Variants in RAB31 observed in about 807,000 individuals in gnomAD.
RAB31 encodes the protein RAB31, member RAS oncogene family, also known as ras-related protein Rab-31.
Under a neutral mutation model 25.6 loss-of-function variants are expected in RAB31, and 21 were observed. That is an observed-to-expected ratio of 0.82 (90% CI 0.58 to 1.18). The LOEUF (loss-of-function observed/expected upper bound fraction) is 1.18. Ranked by LOEUF, RAB31 falls within the 50% of genes most tolerant of loss-of-function variation. RAB31 has a pLI of 0.00. For missense variants in RAB31, 196 were observed against 250.1 expected, an observed-to-expected ratio of 0.78 and a Z score of 1.46; for synonymous variants, 87 against 84.0, an observed-to-expected ratio of 1.04 and a Z score of -0.20.
Position 9,814,065 on chromosome 18 carries a change from G to A in RAB31, c.247G>A (p.Val83Ile), listed in dbSNP as rs763661724. Residue 83 changes from valine to isoleucine, a missense_variant, in exon 4 of 7, where the codon GTT (valine) becomes ATT (isoleucine). Transcript: ENST00000578921. ...GTACTATCGAGGCTCAGCTGCAGCTGTTATCGTGTATGATATTACCAAGCA... is the reference window on the plus strand; with the variant it reads ...GTACTATCGAGGCTCAGCTGCAGCTATTATCGTGTATGATATTACCAAGCA... ...PMYYRGSAAA[V>I]IVYDITKQDS... 2.0e-5 allele frequency: 32 copies of A among 1,592,622 alleles called. No homozygotes were observed. The highest frequency in any genetic ancestry group is 2.6e-5 in the Non-Finnish European group (30 of 1,166,122).
intron 6 of RAB31, among the ~76,000 whole-genome samples, chr18:9,852,837 A>G (rs2068795979): frequency 6.6e-6 from 1 of 152,210 alleles, no homozygotes; most frequent in East Asian, 1.9e-4. Flanking sequence ...TTACTACAGT[A>G]TGTTACCACC....
intron 1 of RAB31, among the ~76,000 whole-genome samples, chr18:9,731,539 T>G (rs952859582): frequency 6.6e-6 from 1 of 151,486 alleles, no homozygotes; most frequent in South Asian, 2.1e-4. Flanking sequence ...TCTGAGTGGA[T>G]CTCACAAGGT....
rs139227359 is a variant in RAB31, at chr18:9,763,729, C to T, written c.40-11549C>T. Among the ~76,000 whole-genome samples the T allele has an allele frequency of 5.5e-3, 838 of 151,958 alleles. 11 individuals carry two copies. Among genetic ancestry groups the T allele is most frequent in the African/African-American group, 0.019 (796 of 41,440 alleles). On this transcript the variant is annotated intron_variant, in intron 1 of 6. Coordinates refer to ENST00000578921, the MANE Select transcript of RAB31 (RefSeq NM_006868.4). The stretch of plus-strand genomic sequence containing the variant: ...TTGTTAGATCAGATAATAGCTGATA[C>T]TTTTCCATAGGAAGTGCTTAGCTTG...
chr18:9,845,865 C>T (rs538252088), intron 6 of RAB31, among the ~76,000 whole-genome samples, 174 bp downstream of exon 6: 5 of 152,266 alleles, frequency 3.3e-5, no homozygotes, highest in East Asian at 1.9e-4. Flanking sequence ...ATTATCCTCT[C>T]GATTCTAGAT....
rs568629872 is a variant in RAB31, at chr18:9,803,241, T to C, written c.202-10779T>C. On this transcript the variant is annotated intron_variant, in intron 3 of 6. Coordinates refer to ENST00000578921, the MANE Select transcript of RAB31 (RefSeq NM_006868.4). ...TTTCTTTTCTTCTCTTTTTCCTTTC[T>C]TTTTTTTTTTTTTAGGCAGGGTCTT... is the stretch of plus-strand genomic sequence containing the variant. Among the ~76,000 whole-genome samples the C allele has an allele frequency of 1.5e-4, 13 of 85,568 alleles. No individual in the cohort carries two copies. The East Asian group carries it at 2.2e-3, about 14-fold the overall frequency. The allele number at this position is 85,568 out of a possible 152,430, so 56.1% of individuals were successfully genotyped here.
chr18:9,811,177 T>G (rs1206655921), intron 3 of RAB31, among the ~76,000 whole-genome samples: 1 of 152,204 alleles, frequency 6.6e-6, no homozygotes, highest in Non-Finnish European at 1.5e-5. Flanking sequence ...TTCAGCATCT[T>G]CGGCCACCGC....
At chr18:9,835,443 G>T (rs1280938107) in intron 5 of RAB31, among the ~76,000 whole-genome samples, 2 of 152,198 alleles carry the variant, frequency 1.3e-5, no homozygotes, top group African/African-American at 4.8e-5. Context: ...CCTGTTTTCT[G>T]CCCAGTCCCT....
At chr18:9,721,892 T>C (rs111317322) in intron 1 of RAB31, among the ~76,000 whole-genome samples, 4,549 of 151,938 alleles carry the variant, frequency 0.03, 140 homozygotes, top group South Asian at 0.15. Flanking sequence ...GGGAGGAGTG[T>C]GGTTTCAGGT....
chr18:9,712,231 A>T lies in RAB31; in HGVS notation c.39+3787A>T, dbSNP rs369081027. Among the ~76,000 whole-genome samples the T allele has an allele frequency of 2.4e-4, 37 of 152,386 alleles. No homozygotes were observed. The South Asian group carries it at 6.8e-3, about 28-fold the overall frequency. On this transcript the variant is annotated intron_variant, in intron 1 of 6. Coordinates refer to ENST00000578921, the MANE Select transcript of RAB31 (RefSeq NM_006868.4). ...GTGTTCTTGGAAAACCAAGGACTGA[A>T]GAGCGTTGGGTTTGTTTAGGTTACC... is the stretch of plus-strand genomic sequence containing the variant.
intron 2 of RAB31, among the ~76,000 whole-genome samples, chr18:9,778,736 G>A (rs896766769): frequency 1.2e-4 from 19 of 152,212 alleles, no homozygotes; most frequent in Admixed American, 1.0e-3. Flanking sequence ...CTCCCAAAGT[G>A]CTGGGATTAT....
intron 3 of RAB31, among the ~76,000 whole-genome samples, chr18:9,801,025 A>G (rs1179174021): frequency 2.0e-5 from 3 of 152,196 alleles, no homozygotes; most frequent in Non-Finnish European, 4.4e-5. Context: ...GATTTGCCTA[A>G]TCTGGACATT....
intron 1 of RAB31, among the ~76,000 whole-genome samples, chr18:9,760,630 A>C (rs2068283385): frequency 6.6e-6 from 1 of 152,204 alleles, no homozygotes; most frequent in Non-Finnish European, 1.5e-5. Context: ...GGAGGTGTTC[A>C]TGCTTCCCTT....
Position 9,859,329 on chromosome 18 carries a change from A to T in RAB31, c.*4A>T, listed in dbSNP as rs1413326055. The T allele has an allele frequency of 1.9e-6, 3 of 1,607,244 alleles. No homozygotes were observed. In the African/African-American group the frequency reaches 4.0e-5, roughly 22 times the overall value. On this transcript the variant is annotated 3_prime_UTR_variant, in exon 7 of 7. Coordinates refer to ENST00000578921, the MANE Select transcript of RAB31 (RefSeq NM_006868.4). ...AGCCAGCCGCCGGTGCTGTTGACCC[A>T]AGGGCCGTGGTCCACGGTACTTGAA...
At chr18:9,792,894 T>C (rs529188476) in intron 3 of RAB31, among the ~76,000 whole-genome samples, 1 of 152,276 alleles carries the variant, frequency 6.6e-6, no homozygotes, top group East Asian at 1.9e-4. Flanking sequence ...GAAAAGTGGG[T>C]AAATGGATGC....
intron 3 of RAB31, among the ~76,000 whole-genome samples, chr18:9,810,278 G>A (rs2068563974): frequency 6.6e-6 from 1 of 152,204 alleles, no homozygotes; most frequent in Non-Finnish European, 1.5e-5. Context: ...TCTTGTGACT[G>A]TGAACTTTAT....
intron 1 of RAB31, among the ~76,000 whole-genome samples, chr18:9,764,697 C>T (rs1226493944): frequency 6.6e-6 from 1 of 152,092 alleles, no homozygotes; most frequent in East Asian, 1.9e-4. Context: ...TCTCTCCTGG[C>T]CATTTTTTTG....
intron 1 of RAB31, among the ~76,000 whole-genome samples, chr18:9,768,184 T>G (rs992596063): frequency 6.6e-6 from 1 of 152,234 alleles, no homozygotes; most frequent in South Asian, 2.1e-4. Context: ...TGTGTCTTTA[T>G]AGTAGAATGA....
At chr18:9,793,434 G>A (rs894312354) in intron 3 of RAB31, among the ~76,000 whole-genome samples, 2 of 152,084 alleles carry the variant, frequency 1.3e-5, no homozygotes, top group African/African-American at 4.8e-5. Context: ...AGGCCGAGGC[G>A]GGCGGATCAT....
rs757497057 is a variant in RAB31 at position 9,845,634 on chromosome 18, G to A, written c.433G>A (p.Val145Met). 9.6e-6 allele frequency: 15 copies of A among 1,569,812 alleles called. No individual in the cohort carries two copies. The highest frequency in any genetic ancestry group is 1.1e-5 in the Non-Finnish European group (13 of 1,156,876). The change falls in exon 6 of 7, where the codon GTG becomes ATG. Residue 145 changes from valine to methionine, a missense_variant. Coordinates refer to ENST00000578921, the MANE Select transcript of RAB31 (RefSeq NM_006868.4). Reference sequence around the variant, plus strand: ...ATACGCTGAATCCATAGGTGCCATCGTGGTTGAGACAAGTGCAAAAAATGC... The same window carrying A: ...ATACGCTGAATCCATAGGTGCCATCATGGTTGAGACAAGTGCAAAAAATGC... ...KEYAESIGAI[V>M]VETSAKNAIN...
Sources: gnomAD v4.1 joint callset for allele counts (sites outside exome capture counted in the v4.1 genomes callset) on GRCh38, gnomAD v4.1.1 for gene constraint, MANE v1.5 for transcripts, NCBI Gene and HGNC (gene_info 2026-07-23, HGNC 2026-07-21) for gene names.